PCSK5: variants seen among roughly 807,000 people sequenced by gnomAD.
PCSK5 encodes the protein prohormone convertase 5.
Under a neutral mutation model 233.2 loss-of-function variants are expected in PCSK5, and 129 were observed. The ratio of observed to expected loss-of-function variants is 0.55; its 90% CI spans 0.48 to 0.64. The LOEUF (loss-of-function observed/expected upper bound fraction) is 0.64, where lower values mean the gene tolerates loss of function less well. Among genes scored for constraint, PCSK5 ranks in the 30% least tolerant of loss-of-function variants. The probability of loss-of-function intolerance (pLI) is 0.00; values close to 1 mark genes in which losing one functional copy is unlikely to be tolerated. For synonymous variants in PCSK5, 825 were observed against 879.2 expected (o/e 0.94, Z 1.09); for missense variants, 2,076 against 2,430.1 (o/e 0.85, Z 3.06).
chr9:76,057,162 T>C (rs1184871744), intron 5 of PCSK5, among the ~76,000 whole-genome samples: 5 of 152,164 alleles, frequency 3.3e-5, no homozygotes, highest in Non-Finnish European at 5.9e-5. Flanking sequence ...CAAAAACACA[T>C]CTGAAACATA....
chr9:76,257,012 G>T (rs964375599), intron 24 of PCSK5, among the ~76,000 whole-genome samples: 2 of 152,206 alleles, frequency 1.3e-5, no homozygotes, highest in South Asian at 4.1e-4. Flanking sequence ...GAACCAAGAG[G>T]CTCTATTGTG....
rs1195761737 is a variant in PCSK5 at position 76,354,187 on chromosome 9, C to T, written c.5222C>T (p.Ala1741Val). 6.9e-6 allele frequency: 11 copies of T among 1,587,540 alleles called. No homozygotes were observed. The highest frequency in any genetic ancestry group is 2.7e-5 in the African/African-American group (2 of 74,392). Residue 1741 changes from alanine to valine, a missense_variant, in exon 37 of 38, where the codon GCC (alanine) becomes GTC (valine). Ala to Val is a moderately conservative substitution (Grantham distance 64). Transcript: ENST00000674117. ...HCCNTSDPPS[A>V]QECCDCQDTT... ...TGCAACACCTCTGATCCCCCCAGTG[C>T]CCAGGAGTGCTGTGACTGCCAGGAC...
intron 12 of PCSK5, among the ~76,000 whole-genome samples, chr9:76,160,371 T>G (rs901586287): frequency 1.4e-4 from 21 of 152,188 alleles, no homozygotes; most frequent in Non-Finnish European, 2.8e-4. Context: ...CAGCTTTTCT[T>G]GTGATCCTCG....
At chr9:76,177,853 T>C (rs1823683253) in intron 14 of PCSK5, among the ~76,000 whole-genome samples, 3 of 152,198 alleles carry the variant, frequency 2.0e-5, no homozygotes, top group Non-Finnish European at 4.4e-5. Context: ...CTAAACTTCA[T>C]CTGGGACAGT....
intron 3 of PCSK5, among the ~76,000 whole-genome samples, chr9:76,002,371 T>C (rs1028270400): frequency 6.6e-6 from 1 of 152,214 alleles, no homozygotes; most frequent in African/African-American, 2.4e-5. Context: ...ATCAAAATTA[T>C]GTGATACAGG....
chr9:76,273,182 C>T (rs888896474), intron 24 of PCSK5, among the ~76,000 whole-genome samples: 1 of 152,132 alleles, frequency 6.6e-6, no homozygotes, highest in Non-Finnish European at 1.5e-5. Flanking sequence ...TTTCAGGTCT[C>T]ACCTAAGCTT....
Position 76,198,860 on chromosome 9 carries a change from A to G in PCSK5, c.2626+9114A>G, listed in dbSNP as rs145489721. 9.0e-3 allele frequency among the ~76,000 whole-genome samples: 1,374 copies of G among 152,332 alleles called. 22 individuals are homozygous for G. Among genetic ancestry groups the G allele is most frequent in the African/African-American group, 0.031 (1,304 of 41,562 alleles). On this transcript the variant is annotated intron_variant, in intron 20 of 37. Transcript: ENST00000674117. ...CCTTTAAAGGGTATAAAATATTGTC[A>G]GGAGTCAAAGGAGCAAGCTCACTTC...
intron 20 of PCSK5, among the ~76,000 whole-genome samples, chr9:76,219,348 A>G (rs1825647248): frequency 6.6e-6 from 1 of 152,146 alleles, no homozygotes; most frequent in African/African-American, 2.4e-5. Flanking sequence ...CTGCAGCGGT[A>G]TTTTCAAGGG....
intron 1 of PCSK5, among the ~76,000 whole-genome samples, chr9:75,905,832 C>A (rs1256460880): frequency 6.6e-6 from 1 of 152,142 alleles, no homozygotes; most frequent in African/African-American, 2.4e-5. Flanking sequence ...GGAACAGTTT[C>A]ATCCCAAAAC....
intron 5 of PCSK5, among the ~76,000 whole-genome samples, chr9:76,039,806 A>C (rs1318850850): frequency 6.6e-6 from 1 of 152,212 alleles, no homozygotes; most frequent in African/African-American, 2.4e-5. Flanking sequence ...TCTTCCAAAA[A>C]AACTTTGGCT....
intron 6 of PCSK5, among the ~76,000 whole-genome samples, chr9:76,068,610 A>C (rs911358286): frequency 6.6e-6 from 1 of 152,218 alleles, no homozygotes; most frequent in Non-Finnish European, 1.5e-5. Flanking sequence ...GTATACGTAA[A>C]AACTCAATTA....
At chr9:76,344,545 A>G (rs2131507581) in intron 35 of PCSK5, among the ~76,000 whole-genome samples, 1 of 152,354 alleles carries the variant, frequency 6.6e-6, no homozygotes, top group Admixed American at 6.5e-5. Flanking sequence ...TCTAACTGGA[A>G]TTAGATAACA....
At chr9:76,297,079 G>A (rs1161750653) in intron 27 of PCSK5, among the ~76,000 whole-genome samples, 1 of 152,158 alleles carries the variant, frequency 6.6e-6, no homozygotes, top group East Asian at 1.9e-4. Flanking sequence ...AGCCAGCAGA[G>A]AGAGCCCAAA....
chr9:76,309,932 G>A (rs10115893), intron 29 of PCSK5, among the ~76,000 whole-genome samples: 12,400 of 152,156 alleles, frequency 0.081, 572 homozygotes, highest in African/African-American at 0.1. Flanking sequence ...TGAAAAATAG[G>A]TGGATCCCCT....
intron 2 of PCSK5, among the ~76,000 whole-genome samples, chr9:75,956,593 C>T (rs1452911456): frequency 6.6e-6 from 1 of 152,076 alleles, no homozygotes; most frequent in Admixed American, 6.5e-5. Context: ...AGTAGAGTGA[C>T]TCAAAATTAC....
At position 75,986,193 on chromosome 9, in the gene PCSK5, G is replaced by A. The variant is rs779165680; in HGVS notation, c.359G>A (p.Arg120His). The A allele has an allele frequency of 1.5e-5, 25 of 1,613,686 alleles. No individual in the cohort carries two copies. The highest frequency in any genetic ancestry group is 5.5e-5 in the South Asian group (5 of 91,078). The part of the protein sequence containing the change: ...KRTKRDYDFS[R>H]AQSTYFNDPK... Reference sequence around the variant, plus strand: ...ACAAAGAGGGATTATGACTTCAGTCGTGCCCAGTCTACCTATTTCAATGAT... The same window carrying A: ...ACAAAGAGGGATTATGACTTCAGTCATGCCCAGTCTACCTATTTCAATGAT... Residue 120 changes from arginine (R) to histidine (H), a missense_variant, in exon 3 of 38, where the codon CGT (arginine) becomes CAT (histidine). Physicochemically the swap from Arg to His is conservative, Grantham distance 29 (BLOSUM62 0). This residue lies in a region of PCSK5 where 190 missense variants were observed against 216.3 expected (regional missense o/e 0.88). Transcript: ENST00000674117.
At chr9:76,194,628 C>G in intron 20 of PCSK5, 1 of 324,932 alleles carries the variant, frequency 3.1e-6, no homozygotes, top group South Asian at 2.5e-5. Flanking sequence ...GAAATATTTT[C>G]ACTGGTTTTC....
chr9:76,178,180 G>A (rs1823701130), intron 14 of PCSK5, among the ~76,000 whole-genome samples: 1 of 152,162 alleles, frequency 6.6e-6, no homozygotes. Context: ...CTCCCCTGGT[G>A]TACGATGGCA....
chr9:76,339,756 G>A (rs558078168), intron 35 of PCSK5, among the ~76,000 whole-genome samples: 102 of 152,142 alleles, frequency 6.7e-4, no homozygotes, highest in African/African-American at 2.4e-3. Context: ...TATTGATCAG[G>A]CTGGTCTCGA....
Sources: allele counts gnomAD v4.1 joint callset (sites outside exome capture counted in the v4.1 genomes callset), GRCh38; gene constraint gnomAD v4.1.1; regional missense constraint gnomAD v4.1.1; transcripts MANE v1.5; gene names NCBI Gene and HGNC (gene_info 2026-07-23, HGNC 2026-07-21).